Variants in PCDH15 observed in about 807,000 individuals in gnomAD.
PCDH15 encodes the protein protocadherin related 15.
In PCDH15, 129 loss-of-function variants were observed where a neutral mutation model predicts 178.5. That is an observed-to-expected ratio of 0.72 (90% confidence interval 0.63 to 0.84). PCDH15 has a LOEUF of 0.84. Ranked by LOEUF, PCDH15 falls within the 40% of genes least tolerant of loss-of-function variation. The pLI, the probability that PCDH15 is intolerant of heterozygous loss-of-function variation, is 0.00. For synonymous variants in PCDH15, 800 were observed against 732.0 expected, an observed-to-expected ratio of 1.09 and a Z score of -1.50; for missense variants, 2,230 against 2,099.9, an observed-to-expected ratio of 1.06 and a Z score of -1.21.
intron 14 of PCDH15, among the ~76,000 whole-genome samples, chr10:54,145,576 T>G (rs2133230878): frequency 6.6e-6 from 1 of 152,248 alleles, no homozygotes; most frequent in African/African-American, 2.4e-5. Context: ...AGAAAACTTT[T>G]CTGGAGAAGT....
intron 2 of PCDH15, among the ~76,000 whole-genome samples, chr10:55,439,964 A>G (rs561242585): frequency 1.3e-5 from 2 of 152,330 alleles, no homozygotes; most frequent in African/African-American, 4.8e-5. Flanking sequence ...AGTGTATAGA[A>G]GAACTGAGAC....
At chr10:54,669,997 T>A (rs1330932346) in intron 1 of PCDH15, among the ~76,000 whole-genome samples, 1 of 152,008 alleles carries the variant, frequency 6.6e-6, no homozygotes, top group East Asian at 1.9e-4. Flanking sequence ...GAGGTTGCAG[T>A]GGGTTGAGAT....
chr10:54,453,204 A>G (rs1453144112), intron 3 of PCDH15, among the ~76,000 whole-genome samples: 1 of 152,158 alleles, frequency 6.6e-6, no homozygotes, highest in Non-Finnish European at 1.5e-5. Context: ...ACACATGCAC[A>G]TGTATGTTTA....
intron 1 of PCDH15, among the ~76,000 whole-genome samples, chr10:54,722,633 A>G (rs1368177201): frequency 6.6e-6 from 1 of 151,406 alleles, no homozygotes; most frequent in Non-Finnish European, 1.5e-5. Flanking sequence ...ATAATTGTGT[A>G]TCAGAAAACC....
chr10:53,862,661 G>A (rs1450774289), intron 27 of PCDH15, among the ~76,000 whole-genome samples: 2 of 152,016 alleles, frequency 1.3e-5, no homozygotes. Flanking sequence ...CATCCATTTT[G>A]TGTAAATGCC....
chr10:54,728,964 A>G (rs1347686253), intron 1 of PCDH15, among the ~76,000 whole-genome samples: 1 of 151,468 alleles, frequency 6.6e-6, no homozygotes, highest in Non-Finnish European at 1.5e-5. Context: ...CTCATGGATA[A>G]CAAGAATCAT....
chr10:54,124,827 T>C (rs2041855271), intron 15 of PCDH15, among the ~76,000 whole-genome samples: 1 of 152,156 alleles, frequency 6.6e-6, no homozygotes, highest in Non-Finnish European at 1.5e-5. Flanking sequence ...CTGAAATTTC[T>C]AGAACCTTTC....
At chr10:55,172,868 T>G (rs1839377364) in intron 1 of PCDH15, among the ~76,000 whole-genome samples, 1 of 151,940 alleles carries the variant, frequency 6.6e-6, no homozygotes, top group Non-Finnish European at 1.5e-5. Context: ...GAGAAAGCTG[T>G]TATTAGAAAA....
intron 2 of PCDH15, among the ~76,000 whole-genome samples, chr10:55,158,947 C>A (rs1838977283): frequency 1.9e-5 from 1 of 53,890 alleles, no homozygotes; most frequent in Admixed American, 2.1e-4. Flanking sequence ...AAGTGTTTTG[C>A]TGTTTGATGA....
chr10:54,064,606 G>A (rs2094101618), intron 18 of PCDH15, among the ~76,000 whole-genome samples: 1 of 152,144 alleles, frequency 6.6e-6, no homozygotes, highest in African/African-American at 2.4e-5. Flanking sequence ...GTCCCCTCTT[G>A]GCCTCCCTCC....
At chr10:54,065,817 G>T (rs1284123117) in intron 18 of PCDH15, among the ~76,000 whole-genome samples, 1 of 152,194 alleles carries the variant, frequency 6.6e-6, no homozygotes, top group Non-Finnish European at 1.5e-5. Context: ...AACATCACAA[G>T]ATCTCTATAA....
intron 1 of PCDH15, among the ~76,000 whole-genome samples, chr10:55,306,127 A>C (rs1159844793): frequency 6.6e-6 from 1 of 152,208 alleles, no homozygotes; most frequent in Non-Finnish European, 1.5e-5. Flanking sequence ...AATATGGATA[A>C]TCTATCAATT....
intron 3 of PCDH15, among the ~76,000 whole-genome samples, chr10:54,403,466 G>A (rs1260270370): frequency 6.6e-6 from 1 of 152,000 alleles, no homozygotes; most frequent in Non-Finnish European, 1.5e-5. Flanking sequence ...AGCCATATAT[G>A]AAAAACTCAC....
chr10:54,718,184 C>T (rs997326582), intron 1 of PCDH15, among the ~76,000 whole-genome samples: 5 of 150,282 alleles, frequency 3.3e-5, no homozygotes, highest in Admixed American at 1.3e-4. Context: ...GTGGGTGCAG[C>T]GCACCAGCAT....
chr10:54,300,382 C>T (rs1236465141), intron 8 of PCDH15, among the ~76,000 whole-genome samples: 1 of 152,160 alleles, frequency 6.6e-6, no homozygotes, highest in Non-Finnish European at 1.5e-5. Context: ...CCTCTAGGAT[C>T]AAGGCCATCA....
chr10:55,615,369 C>G (rs1345652303), intron 2 of PCDH15, among the ~76,000 whole-genome samples: 2 of 152,102 alleles, frequency 1.3e-5, no homozygotes, highest in East Asian at 1.9e-4. Flanking sequence ...GTCATTAAAT[C>G]ATTTCAGAAA....
At chr10:54,199,613 G>C (rs1356044464) in intron 10 of PCDH15, among the ~76,000 whole-genome samples, 5 of 121,172 alleles carry the variant, frequency 4.1e-5, no homozygotes, top group Admixed American at 3.3e-4. Flanking sequence ...TTGCTCGTTA[G>C]TGGGCCCATG....
intron 1 of PCDH15, among the ~76,000 whole-genome samples, chr10:55,178,083 T>C (rs1839544614): frequency 6.6e-6 from 1 of 152,140 alleles, no homozygotes; most frequent in South Asian, 2.1e-4. Context: ...CATGCCAATA[T>C]CTGGAAAGAG....
chr10:55,281,012 C>T (rs911092580), intron 1 of PCDH15, among the ~76,000 whole-genome samples: 1 of 152,218 alleles, frequency 6.6e-6, no homozygotes, highest in Admixed American at 6.5e-5. Context: ...ATGTAAGATA[C>T]TGATGGAGAA....
Sources: gnomAD v4.1 joint callset for allele counts (sites outside exome capture counted in the v4.1 genomes callset) on GRCh38, gnomAD v4.1.1 for gene constraint, MANE v1.5 for transcripts, NCBI Gene and HGNC (gene_info 2026-07-23, HGNC 2026-07-21) for gene names.